CDH2: variants seen among roughly 807,000 people sequenced by gnomAD.
CDH2 encodes the protein cadherin-2.
In CDH2, 17 loss-of-function variants were observed where a neutral mutation model predicts 92.0. That is an observed-to-expected ratio of 0.18 (90% confidence interval 0.13 to 0.28). The LOEUF (loss-of-function observed/expected upper bound fraction) is 0.28. CDH2 is among the 10% of genes least tolerant of loss of function. The pLI, the probability that CDH2 is intolerant of heterozygous loss-of-function variation, is 1.00. For synonymous variants in CDH2, 419 were observed against 415.9 expected, an observed-to-expected ratio of 1.01 and a Z score of -0.09; for missense variants, 862 against 1,133.1, an observed-to-expected ratio of 0.76 and a Z score of 3.44.
intron 2 of CDH2, among the ~76,000 whole-genome samples, chr18:28,141,332 T>G (rs1290122348): frequency 6.6e-6 from 1 of 151,794 alleles, no homozygotes; most frequent in Admixed American, 6.6e-5. Flanking sequence ...TCGCAAAAGG[T>G]GTATGAGGCT....
chr18:28,035,516 C>A (rs954343840), intron 2 of CDH2, among the ~76,000 whole-genome samples: 1 of 151,888 alleles, frequency 6.6e-6, no homozygotes, highest in African/African-American at 2.4e-5. Context: ...TAACAGAGAC[C>A]TCTCATTTAA....
intron 2 of CDH2, among the ~76,000 whole-genome samples, chr18:28,061,986 G>GT (rs2014412661): frequency 6.6e-6 from 1 of 152,062 alleles, no homozygotes; most frequent in Non-Finnish European, 1.5e-5. Flanking sequence ...CGGCCAAACC[G>GT]TATCACCTAG....
chr18:28,170,613 G>A (rs2016450615), intron 1 of CDH2, among the ~76,000 whole-genome samples: 1 of 152,096 alleles, frequency 6.6e-6, no homozygotes, highest in Non-Finnish European at 1.5e-5. Flanking sequence ...CCAAAGTGCT[G>A]GGATTACAGG....
In CDH2 at chr18:28,063,520, C is replaced by T. The variant is rs533793971; in HGVS notation, c.173-49611G>A. On this transcript the variant is annotated intron_variant, in intron 2 of 15. Coordinates refer to ENST00000269141, the MANE Select transcript of CDH2 (RefSeq NM_001792.5). ...TTATAGTGGCACACACCCACAACTT[C>T]AGCCCATCTCTGTCAGCCATTGTGT... 1.1e-3 allele frequency among the ~76,000 whole-genome samples: 174 copies of T among 152,342 alleles called. 1 individual carries two copies. Among genetic ancestry groups the T allele is most frequent in the African/African-American group, 3.8e-3 (160 of 41,578 alleles).
Position 28,090,576 on chromosome 18 carries a change from T to G in CDH2, c.172+57097A>C, listed in dbSNP as rs187099758. ...ATACCCTTCCCTCCACAGATGACAA[T>G]TCTCCTTTAGCTACAAAATTCAGAA... is the stretch of plus-strand genomic sequence containing the variant. On this transcript the variant is annotated intron_variant, in intron 2 of 15. Transcript: ENST00000269141. Among the ~76,000 whole-genome samples the G allele has an allele frequency of 1.9e-4, 29 of 152,310 alleles. No homozygotes were observed. The East Asian group carries it at 5.4e-3, about 28-fold the overall frequency.
At chr18:27,955,775 T>TTTTTTTTTTTTTTTTTTTTTTTTTTTTG (rs2011232569) in intron 15 of CDH2, among the ~76,000 whole-genome samples, 1 of 133,500 alleles carries the variant, frequency 7.5e-6, no homozygotes, top group Non-Finnish European at 1.6e-5. Flanking sequence ...TTTTTTTTTT[T>TTTTTTTTTTTTTTTTTTTTTTTTTTTTG]TTTTTAAAGA....
chr18:27,970,664 T>C (rs1489371560), intron 14 of CDH2, among the ~76,000 whole-genome samples: 1 of 152,222 alleles, frequency 6.6e-6, no homozygotes, highest in Non-Finnish European at 1.5e-5. Context: ...CTAACCTTAA[T>C]AGTATTCAAC....
intron 10 of CDH2, 63 bp downstream of exon 10, chr18:27,990,034 A>G: frequency 1.4e-6 from 2 of 1,406,966 alleles, no homozygotes; most frequent in Non-Finnish European, 2.0e-6. Flanking sequence ...TGAATTAGAT[A>G]AATTTTATGC....
chr18:27,977,458 C>T (rs184061353), intron 14 of CDH2, among the ~76,000 whole-genome samples: 1 of 67,096 alleles, frequency 1.5e-5, no homozygotes, highest in East Asian at 2.5e-4. Context: ...CTTATACAGA[C>T]AGAGACTCCA....
At chr18:27,939,885 G>C (rs950953298) in intron 6 of CDH2, among the ~76,000 whole-genome samples, 5 of 152,110 alleles carry the variant, frequency 3.3e-5, no homozygotes, top group Non-Finnish European at 2.9e-5. Flanking sequence ...CCCTCTTCTA[G>C]GGTTGCCTCC....
intron 2 of CDH2, among the ~76,000 whole-genome samples, chr18:28,041,425 G>T (rs2013945296): frequency 6.6e-6 from 1 of 152,132 alleles, no homozygotes; most frequent in African/African-American, 2.4e-5. Context: ...AAAATAAAAA[G>T]AATGGATTTC....
intron 6 of CDH2, among the ~76,000 whole-genome samples, chr18:27,941,099 T>C (rs926539945): frequency 6.7e-6 from 1 of 149,836 alleles, no homozygotes; most frequent in East Asian, 2.0e-4. Context: ...GCAGTGGTGC[T>C]GTCTTGGCTC....
chr18:28,094,660 G>A (rs1054291614), intron 2 of CDH2, among the ~76,000 whole-genome samples: 8 of 151,796 alleles, frequency 5.3e-5, no homozygotes, highest in African/African-American at 1.9e-4. Context: ...CAGGTGTGGT[G>A]GCGGGCGCCT....
intron 2 of CDH2, among the ~76,000 whole-genome samples, chr18:28,089,240 C>T (rs1200698718): frequency 6.6e-6 from 1 of 152,056 alleles, no homozygotes; most frequent in Non-Finnish European, 1.5e-5. Context: ...GATGAGGACA[C>T]CATCAAATGA....
At chr18:27,938,499 A>C (rs950096544) in intron 6 of CDH2, among the ~76,000 whole-genome samples, 1 of 152,214 alleles carries the variant, frequency 6.6e-6, no homozygotes, top group Admixed American at 6.5e-5. Context: ...AGGTGATAAA[A>C]TGTTATGGGA....
chr18:28,142,999 C>T (rs1023202885), intron 2 of CDH2, among the ~76,000 whole-genome samples: 1 of 151,980 alleles, frequency 6.6e-6, no homozygotes, highest in African/African-American at 2.4e-5. Flanking sequence ...AGATACCATA[C>T]CGCAGCTTCT....
chr18:28,176,868 C>T (rs2016552594), intron 1 of CDH2, 95 bp downstream of exon 1: 4 of 627,650 alleles, frequency 6.4e-6, no homozygotes, highest in East Asian at 8.8e-5. Context: ...TTCCCGGGTG[C>T]GCAGCCCGGC....
chr18:28,104,123 C>A (rs1321553284), intron 2 of CDH2, among the ~76,000 whole-genome samples: 2 of 152,220 alleles, frequency 1.3e-5, no homozygotes, highest in East Asian at 1.9e-4. Context: ...TTAATTCCAG[C>A]AGGTTGTGTT....
chr18:28,098,575 G>C lies in CDH2; in HGVS notation c.172+49098C>G, dbSNP rs1387553759. Among the ~76,000 whole-genome samples the C allele has an allele frequency of 2.0e-5, 3 of 151,896 alleles. No homozygotes were observed. In the East Asian group the frequency reaches 5.8e-4, roughly 29 times the overall value. On this transcript the variant is annotated intron_variant, in intron 2 of 15. Coordinates refer to ENST00000269141, the MANE Select transcript of CDH2 (RefSeq NM_001792.5). ...AACTCATGCCTGAACAAAACTTATT[G>C]ACTACACGTATTTTCTCGGTGAGGC...
Sources: gnomAD v4.1 joint callset for allele counts (sites outside exome capture counted in the v4.1 genomes callset) on GRCh38, gnomAD v4.1.1 for gene constraint, MANE v1.5 for transcripts, NCBI Gene and HGNC (gene_info 2026-07-23, HGNC 2026-07-21) for gene names.